SLC30A8: variants seen among roughly 807,000 people sequenced by gnomAD.
SLC30A8 encodes the protein solute carrier family 30 member 8.
Under a neutral mutation model 36.9 loss-of-function variants are expected in SLC30A8, and 27 were observed. The ratio of observed to expected loss-of-function variants is 0.73; its 90% CI spans 0.54 to 1.01. The LOEUF is 1.01. Ranked by LOEUF, SLC30A8 falls within the 50% of genes least tolerant of loss-of-function variation. The pLI, the probability that SLC30A8 is intolerant of heterozygous loss-of-function variation, is 0.00. For synonymous variants in SLC30A8, 164 were observed against 172.4 expected (o/e 0.95, Z 0.38); for missense variants, 439 against 452.0 (o/e 0.97, Z 0.26).
At chr8:117,005,762 C>A (rs768505653) in intron 1 of SLC30A8, among the ~76,000 whole-genome samples, 16 of 152,282 alleles carry the variant, frequency 1.1e-4, no homozygotes, top group Non-Finnish European at 1.8e-4. Flanking sequence ...CTGACTTTGA[C>A]AGATCCTCAT....
intron 2 of SLC30A8, among the ~76,000 whole-genome samples, chr8:117,048,010 C>T (rs1452421937): frequency 2.0e-5 from 3 of 152,202 alleles, no homozygotes; most frequent in Non-Finnish European, 4.4e-5. Context: ...TCTTGTTTAG[C>T]ATATAATCAA....
At chr8:117,002,111 G>A (rs142304304) in intron 1 of SLC30A8, among the ~76,000 whole-genome samples, 1 of 152,282 alleles carries the variant, frequency 6.6e-6, no homozygotes, top group East Asian at 1.9e-4. Flanking sequence ...TTGGTTCAGT[G>A]CATCAAAAAT....
At chr8:117,020,684 A>C (rs1209235439) in intron 1 of SLC30A8, among the ~76,000 whole-genome samples, 1 of 151,862 alleles carries the variant, frequency 6.6e-6, no homozygotes, top group African/African-American at 2.4e-5. Flanking sequence ...CAGCTATTTT[A>C]TAAAGAATGA....
chr8:117,088,945 G>C (rs1294914675), intron 2 of SLC30A8, among the ~76,000 whole-genome samples: 1 of 152,158 alleles, frequency 6.6e-6, no homozygotes, highest in African/African-American at 2.4e-5. Flanking sequence ...CTGTCACCAA[G>C]GTGATATGTA....
intron 1 of SLC30A8, among the ~76,000 whole-genome samples, chr8:116,962,675 C>T (rs552743697): frequency 3.2e-4 from 49 of 152,100 alleles, no homozygotes; most frequent in African/African-American, 1.1e-3. Context: ...GCTCTCAATA[C>T]ATTTATTCAC....
intron 2 of SLC30A8, among the ~76,000 whole-genome samples, chr8:117,066,203 G>A (rs1156947000): frequency 2.0e-5 from 3 of 152,196 alleles, no homozygotes; most frequent in Non-Finnish European, 4.4e-5. Flanking sequence ...AAGTAGGCAA[G>A]CGCCTTCTTT....
intron 7 of SLC30A8, among the ~76,000 whole-genome samples, chr8:117,172,170 C>T (rs1823417184): frequency 6.6e-6 from 1 of 152,084 alleles, no homozygotes; most frequent in South Asian, 2.1e-4. Context: ...TGATTACATA[C>T]AAAGCCTGCA....
chr8:117,043,903 T>G (rs111381774), intron 2 of SLC30A8, among the ~76,000 whole-genome samples: 1 of 152,220 alleles, frequency 6.6e-6, no homozygotes, highest in African/African-American at 2.4e-5. Flanking sequence ...CAATAAGTGT[T>G]GAGGAGGCAA....
intron 1 of SLC30A8, among the ~76,000 whole-genome samples, chr8:117,034,834 A>G (rs956527062): frequency 6.6e-6 from 1 of 152,200 alleles, no homozygotes; most frequent in African/African-American, 2.4e-5. Flanking sequence ...AAGGGGAAGC[A>G]GGCACACCTT....
At chr8:117,138,673 C>T (rs1281298852) in intron 1 of SLC30A8, among the ~76,000 whole-genome samples, 1 of 151,994 alleles carries the variant, frequency 6.6e-6, no homozygotes, top group Admixed American at 6.6e-5. Flanking sequence ...CCAGGAGCAG[C>T]AAGGTCCTGA....
At chr8:117,086,528 A>T (rs1457931783) in intron 2 of SLC30A8, among the ~76,000 whole-genome samples, 2 of 152,192 alleles carry the variant, frequency 1.3e-5, no homozygotes, top group East Asian at 3.9e-4. Flanking sequence ...TCTGGCTCAA[A>T]CATCTGTGAA....
Position 117,176,660 on chromosome 8 carries a change from A to T in SLC30A8, c.*3979A>T, listed in dbSNP as rs1167623537. On this transcript the variant is annotated 3_prime_UTR_variant, in exon 8 of 8. Transcript: ENST00000456015. ...ATTCTGTTACTGGGCACCTGTTTAA[A>T]TTCTATTTTAAAATGTTAATGTGTG... 1 of 152,526 alleles carries T rather than the reference A, an allele frequency of 6.6e-6. No individual in the cohort carries two copies. Among genetic ancestry groups the T allele is most frequent in the African/African-American group, 2.4e-5 (1 of 41,442 alleles). The allele number at this position is 152,526 out of a possible 1,614,324, so 9.4% of individuals were successfully genotyped here. A position where few individuals can be genotyped will look rare whatever the true frequency, so the allele number is the denominator to read the frequency against.
intron 1 of SLC30A8, among the ~76,000 whole-genome samples, chr8:117,026,217 A>G (rs1816866224): frequency 6.6e-6 from 1 of 152,212 alleles, no homozygotes; most frequent in African/African-American, 2.4e-5. Flanking sequence ...ACATGTCAAC[A>G]TTTTTGAAAC....
chr8:117,057,288 G>A (rs1046025106), intron 2 of SLC30A8, among the ~76,000 whole-genome samples: 24 of 152,182 alleles, frequency 1.6e-4, no homozygotes, highest in Non-Finnish European at 2.8e-4. Context: ...TGTTTAAGGC[G>A]TACAGTGTGA....
At chr8:116,961,300 G>A (rs1814410345) in intron 1 of SLC30A8, among the ~76,000 whole-genome samples, 1 of 152,084 alleles carries the variant, frequency 6.6e-6, no homozygotes, top group South Asian at 2.1e-4. Flanking sequence ...GTGGTGGCAG[G>A]TGCCTGTGGT....
intron 1 of SLC30A8, among the ~76,000 whole-genome samples, chr8:116,954,254 A>C (rs1814107058): frequency 6.6e-6 from 1 of 152,148 alleles, no homozygotes; most frequent in South Asian, 2.1e-4. Context: ...ATGAGAGTTC[A>C]GTTTTGGACT....
At chr8:117,039,301 A>G (rs1346359565) in intron 2 of SLC30A8, 2 of 152,220 alleles carry the variant, frequency 1.3e-5, no homozygotes, top group Non-Finnish European at 2.9e-5. Flanking sequence ...GGAGATCAAT[A>G]TGTATAAATT....
intron 2 of SLC30A8, among the ~76,000 whole-genome samples, chr8:117,088,220 C>T (rs542001589): frequency 6.6e-6 from 1 of 152,218 alleles, no homozygotes; most frequent in African/African-American, 2.4e-5. Context: ...CATGAAGACC[C>T]CCTGACCCTA....
At chr8:117,140,499 A>G (rs914331489) in intron 1 of SLC30A8, among the ~76,000 whole-genome samples, 25 of 151,800 alleles carry the variant, frequency 1.6e-4, no homozygotes, top group Non-Finnish European at 3.2e-4. Context: ...GAAAGCAGCA[A>G]GAGAAAAAAG....
Sources: gnomAD v4.1 joint callset for allele counts (sites outside exome capture counted in the v4.1 genomes callset) on GRCh38, gnomAD v4.1.1 for gene constraint, MANE v1.5 for transcripts, NCBI Gene and HGNC (gene_info 2026-07-23, HGNC 2026-07-21) for gene names.